The following ANO2 variants were observed in gnomAD, a reference collection of about 807,000 sequenced individuals.
The protein encoded by ANO2 is anoctamin 2.
A neutral mutation model predicts 124.2 loss-of-function variants in ANO2; 101 were observed. The observed-to-expected ratio is 0.81, with a 90% CI of 0.69 to 0.96. The LOEUF (loss-of-function observed/expected upper bound fraction) is 0.96, where lower values mean the gene tolerates loss of function less well. Ranked by LOEUF, ANO2 falls within the 40% of genes least tolerant of loss-of-function variation. The probability of loss-of-function intolerance (pLI) is 0.00; values close to 1 mark genes in which losing one functional copy is unlikely to be tolerated. For synonymous variants in ANO2, 486 were observed against 482.5 expected, an observed-to-expected ratio of 1.01 and a Z score of -0.09; for missense variants, 1,293 against 1,274.5, an observed-to-expected ratio of 1.01 and a Z score of -0.22.
chr12:5,639,924 T>C (rs1256429064), intron 15 of ANO2, among the ~76,000 whole-genome samples: 1 of 152,100 alleles, frequency 6.6e-6, no homozygotes, highest in Non-Finnish European at 1.5e-5. Flanking sequence ...ACTCCCAATA[T>C]CCAAGTGTAA....
chr12:5,722,688 C>T (rs749718850), intron 14 of ANO2, among the ~76,000 whole-genome samples: 3 of 152,004 alleles, frequency 2.0e-5, no homozygotes, highest in Non-Finnish European at 4.4e-5. Flanking sequence ...TTGGGAACCA[C>T]GATCTGATGA....
At chr12:5,597,809 C>T (rs889359564) in intron 20 of ANO2, among the ~76,000 whole-genome samples, 2 of 152,162 alleles carry the variant, frequency 1.3e-5, no homozygotes, top group Non-Finnish European at 2.9e-5. Context: ...TGTAGAATGG[C>T]GTCTGAAATA....
intron 14 of ANO2, among the ~76,000 whole-genome samples, chr12:5,729,097 C>A (rs1950542975): frequency 6.6e-6 from 1 of 152,072 alleles, no homozygotes; most frequent in African/African-American, 2.4e-5. Flanking sequence ...AGATATAACA[C>A]AAAAGCATAA....
chr12:5,696,650 A>C (rs1247824512), intron 14 of ANO2, among the ~76,000 whole-genome samples: 8 of 152,214 alleles, frequency 5.3e-5, no homozygotes, highest in Non-Finnish European at 1.2e-4. Context: ...TTGGCCCTTA[A>C]ACCAGACACA....
intron 14 of ANO2, among the ~76,000 whole-genome samples, chr12:5,657,460 G>A (rs540399488): frequency 5.3e-5 from 8 of 151,326 alleles, no homozygotes; most frequent in Non-Finnish European, 1.2e-4. Flanking sequence ...AGAAAGAGAG[G>A]AAAAATGTGA....
At chr12:5,790,627 G>A (rs1011164892) in intron 10 of ANO2, among the ~76,000 whole-genome samples, 1 of 152,004 alleles carries the variant, frequency 6.6e-6, no homozygotes, top group Non-Finnish European at 1.5e-5. Flanking sequence ...TAAGCCCTTC[G>A]AAGCCTCTCC....
Position 5,894,119 on chromosome 12 carries a change from T to C in ANO2, c.534+26921A>G, listed in dbSNP as rs184128134. On this transcript the variant is annotated intron_variant, in intron 3 of 24. Transcript: ENST00000682330. ...CACTCCCACCAACAGTGTAAAAGTGTTCCTATTCCTCCACTTCCTCTCCAG... is the reference window on the plus strand; with the variant it reads ...CACTCCCACCAACAGTGTAAAAGTGCTCCTATTCCTCCACTTCCTCTCCAG... Among the ~76,000 whole-genome samples the C allele has an allele frequency of 5.4e-3, 827 of 152,314 alleles. 6 individuals are homozygous for C. Among genetic ancestry groups the C allele is most frequent in the African/African-American group, 0.019 (802 of 41,570 alleles).
At position 5,635,605 on chromosome 12, in the gene ANO2, A is replaced by ACACT. The variant is rs1945976733; in HGVS notation, c.1621-259_1621-258insAGTG. Among the ~76,000 whole-genome samples the ACACT allele has an allele frequency of 6.6e-6, 1 of 151,374 alleles. No individual in the cohort carries two copies. The highest frequency in any genetic ancestry group is 2.4e-5 in the African/African-American group (1 of 41,170). ...TCAGATTCCAAATGATTTATCACAC[A>ACACT]CACACACACACACACACACACACAA... On this transcript the variant is annotated intron_variant, in intron 15 of 24. Transcript: ENST00000682330. The surrounding 1 kb of genome is among the most constrained non-coding windows in gnomAD (Gnocchi z 5.2).
intron 10 of ANO2, among the ~76,000 whole-genome samples, chr12:5,760,593 T>C (rs1951710617): frequency 1.3e-5 from 2 of 152,136 alleles, no homozygotes; most frequent in African/African-American, 4.8e-5. Context: ...ATGTAAAGAA[T>C]AGAAATTAGA....
At chr12:5,613,412 G>T (rs2136907166) in intron 17 of ANO2, among the ~76,000 whole-genome samples, 1 of 152,270 alleles carries the variant, frequency 6.6e-6, no homozygotes, top group Non-Finnish European at 1.5e-5. Flanking sequence ...GATTCCTGGG[G>T]TCAGAAAAGA....
rs200912800 is a variant in ANO2, at chr12:5,563,577, A to G, written c.2728-9T>C. The G allele has an allele frequency of 4.3e-4, 688 of 1,613,048 alleles. No individual in the cohort carries two copies. The highest frequency in any genetic ancestry group is 1.3e-3 in the Admixed American group (80 of 59,990). On this transcript the variant is annotated splice_polypyrimidine_tract_variant and intron_variant, in intron 24 of 24. Coordinates refer to ENST00000682330, the MANE Select transcript of ANO2 (RefSeq NM_001364791.2). Reference sequence around the variant, plus strand: ...AGGAACATCACGAGGTTCTGCAAAAAGCCAAGGAGAGAGGGGCTGAGTTGG... The same window carrying G: ...AGGAACATCACGAGGTTCTGCAAAAGGCCAAGGAGAGAGGGGCTGAGTTGG...
chr12:5,749,395 A>C (rs1565638992), intron 11 of ANO2, among the ~76,000 whole-genome samples: 1 of 152,202 alleles, frequency 6.6e-6, no homozygotes, highest in Non-Finnish European at 1.5e-5. Flanking sequence ...TTCACTTGAG[A>C]CCAATCGAGT....
chr12:5,590,389 A>G (rs1449718045), intron 20 of ANO2, among the ~76,000 whole-genome samples: 1 of 152,234 alleles, frequency 6.6e-6, no homozygotes, highest in Non-Finnish European at 1.5e-5. Context: ...GACGGAACAG[A>G]GAATGAGCAG....
rs545229849 is a variant in ANO2 at position 5,563,696 on chromosome 12, T to C, written c.2728-128A>G. 3.6e-5 allele frequency: 43 copies of C among 1,210,780 alleles called. 1 individual carries two copies. In the South Asian group the frequency reaches 6.1e-4, roughly 17 times the overall value. 75.0% of individuals were successfully genotyped at this position (1,210,780 alleles called of 1,614,324 possible). ...TTACCAGCCCAGTGATCGCAACCAGTGAGCATAACTCTACCTTGGTGTCCT... is the reference window on the plus strand; with the variant it reads ...TTACCAGCCCAGTGATCGCAACCAGCGAGCATAACTCTACCTTGGTGTCCT... On this transcript the variant is annotated intron_variant, in intron 24 of 24. Transcript: ENST00000682330.
rs115009616 is a variant in ANO2 at position 5,602,425 on chromosome 12, T to C, written c.2088-2796A>G. Among the ~76,000 whole-genome samples, 728 of 151,880 alleles carry C rather than the reference T, an allele frequency of 4.8e-3. 5 individuals are homozygous for C. Among genetic ancestry groups the C allele is most frequent in the African/African-American group, 0.016 (647 of 41,432 alleles). Reference sequence around the variant, plus strand: ...ACCACCAGGCCCAGCTAATATTTTTTGTATTTTTAGTAAAGACAGGGTTTC... The same window carrying C: ...ACCACCAGGCCCAGCTAATATTTTTCGTATTTTTAGTAAAGACAGGGTTTC... On this transcript the variant is annotated intron_variant, in intron 19 of 24. Transcript: ENST00000682330.
At chr12:5,846,464 G>C (rs1388334573) in intron 4 of ANO2, among the ~76,000 whole-genome samples, 1 of 152,198 alleles carries the variant, frequency 6.6e-6, no homozygotes, top group Non-Finnish European at 1.5e-5. Context: ...AAGCCTACCA[G>C]AGACCTAGGT....
chr12:5,946,122 G>C, upstream of ANO2: 13 of 1,612,086 alleles, frequency 8.1e-6, no homozygotes, highest in Non-Finnish European at 1.1e-5. This position sits in a 1 kb window ranked among gnomAD's most constrained non-coding sequence, Gnocchi z 4.1. Flanking sequence ...ACTATGTTAA[G>C]GTCAAGTATG....
intron 20 of ANO2, among the ~76,000 whole-genome samples, chr12:5,597,981 G>A (rs1450720449): frequency 6.6e-6 from 1 of 152,172 alleles, no homozygotes; most frequent in African/African-American, 2.4e-5. Flanking sequence ...TTTGTTCTCT[G>A]GTGAGTTGTT....
At chr12:5,828,247 T>TCCCGGGGAGGGGCGGGC (rs1398949021) in intron 6 of ANO2, among the ~76,000 whole-genome samples, 1 of 151,534 alleles carries the variant, frequency 6.6e-6, no homozygotes, top group African/African-American at 2.4e-5. Context: ...GTCTGGCGGG[T>TCCCGGGGAGGGGCGGGC]CCCGGGGAGG....
Sources: allele counts gnomAD v4.1 joint callset (sites outside exome capture counted in the v4.1 genomes callset), GRCh38; gene constraint gnomAD v4.1.1; non-coding constraint Gnocchi (gnomAD v3.1); transcripts MANE v1.5; gene names NCBI Gene and HGNC (gene_info 2026-07-23, HGNC 2026-07-21).